The following MSI2 variants were observed in gnomAD, a reference collection of about 807,000 sequenced individuals.
The protein encoded by MSI2 is RNA-binding protein Musashi homolog 2.
In MSI2, 17 loss-of-function variants were observed where a neutral mutation model predicts 45.6. The ratio of observed to expected loss-of-function variants is 0.37; its 90% CI spans 0.26 to 0.56. The LOEUF is 0.56. Among genes scored for constraint, MSI2 ranks in the 20% least tolerant of loss-of-function variants. The pLI, the probability that MSI2 is intolerant of heterozygous loss-of-function variation, is 0.77. For missense variants in MSI2, 293 were observed against 444.2 expected (o/e 0.66, Z 3.06); for synonymous variants, 156 against 158.2 (o/e 0.99, Z 0.11).
intron 7 of MSI2, among the ~76,000 whole-genome samples, chr17:57,577,487 T>TA: frequency 6.6e-6 from 1 of 152,206 alleles, no homozygotes; most frequent in Non-Finnish European, 1.5e-5. Flanking sequence ...ATTATATCTT[T>TA]AAGCCCTGGT....
chr17:57,505,128 G>C (rs932527999), intron 6 of MSI2, among the ~76,000 whole-genome samples: 8 of 152,088 alleles, frequency 5.3e-5, no homozygotes, highest in Non-Finnish European at 7.4e-5. Flanking sequence ...GTTAAGATGT[G>C]CTGGGGTTGG....
chr17:57,293,689 A>G (rs931175054), intron 5 of MSI2, among the ~76,000 whole-genome samples: 3 of 149,628 alleles, frequency 2.0e-5, no homozygotes, highest in African/African-American at 4.9e-5. Flanking sequence ...GCTCACTGCA[A>G]CCTCCGCCTC....
intron 5 of MSI2, among the ~76,000 whole-genome samples, chr17:57,305,041 A>G (rs1911765923): frequency 6.6e-6 from 1 of 152,192 alleles, no homozygotes; most frequent in Non-Finnish European, 1.5e-5. Context: ...TATAGTCTAA[A>G]TGGAAGGACA....
chr17:57,666,538 A>G (rs1394046790), intron 11 of MSI2, among the ~76,000 whole-genome samples: 2 of 152,142 alleles, frequency 1.3e-5, no homozygotes, highest in East Asian at 1.9e-4. Flanking sequence ...CAGGCCTAAC[A>G]GGGGCAGAGT....
chr17:57,308,234 A>G (rs933258983), intron 5 of MSI2, among the ~76,000 whole-genome samples: 1 of 152,210 alleles, frequency 6.6e-6, no homozygotes, highest in Non-Finnish European at 1.5e-5. Context: ...GGTAAATCAA[A>G]TAATGTTAGC....
intron 11 of MSI2, among the ~76,000 whole-genome samples, chr17:57,655,181 C>G (rs1399928607): frequency 6.6e-6 from 1 of 152,120 alleles, no homozygotes; most frequent in Non-Finnish European, 1.5e-5. Context: ...GGGACCCCAC[C>G]AGGTGAGGTC....
intron 10 of MSI2, among the ~76,000 whole-genome samples, chr17:57,645,983 TG>T (rs1910629807): frequency 6.6e-6 from 1 of 152,134 alleles, no homozygotes; most frequent in African/African-American, 2.4e-5. Flanking sequence ...TGGAGGATCG[TG>T]GGACTAGGGA....
chr17:57,518,342 G>A (rs369327700), intron 6 of MSI2, among the ~76,000 whole-genome samples: 1 of 151,812 alleles, frequency 6.6e-6, no homozygotes, highest in Admixed American at 6.6e-5. Context: ...CTCCCCAGGC[G>A]TATGGCTGCA....
At chr17:57,700,537 G>A in the MSI2 span, among the ~76,000 whole-genome samples, 1 of 152,176 alleles carries the variant, frequency 6.6e-6, no homozygotes, top group Non-Finnish European at 1.5e-5. Context: ...CAGTGGGCAT[G>A]TGGAAGCCTG....
At chr17:57,492,731 G>A (rs1034954821) in intron 6 of MSI2, among the ~76,000 whole-genome samples, 1 of 152,044 alleles carries the variant, frequency 6.6e-6, no homozygotes, top group Non-Finnish European at 1.5e-5. Context: ...TCCCAAACTG[G>A]GATTACAAGC....
chr17:57,504,918 C>T (rs1478800797), intron 6 of MSI2, among the ~76,000 whole-genome samples: 5 of 141,524 alleles, frequency 3.5e-5, no homozygotes, highest in South Asian at 2.3e-4. Flanking sequence ...GCAACAAAAG[C>T]GAAACTCCAT....
intron 6 of MSI2, among the ~76,000 whole-genome samples, chr17:57,404,071 T>C (rs958216996): frequency 4.6e-5 from 7 of 152,214 alleles, no homozygotes; most frequent in Non-Finnish European, 1.0e-4. Context: ...TTTAATGAGG[T>C]GTATGCGAGT....
intron 5 of MSI2, among the ~76,000 whole-genome samples, chr17:57,384,073 G>T (rs1214421643): frequency 6.6e-6 from 1 of 152,220 alleles, no homozygotes; most frequent in East Asian, 1.9e-4. Context: ...GAACACTGTT[G>T]ACCCTTCCTT....
chr17:57,463,807 A>T (rs2085277403), intron 6 of MSI2, among the ~76,000 whole-genome samples: 1 of 150,224 alleles, frequency 6.7e-6, no homozygotes, highest in Admixed American at 6.7e-5. Context: ...CTCCAACACC[A>T]GTTCTGTGCA....
chr17:57,618,774 C>CGT (rs1907989118), intron 9 of MSI2, among the ~76,000 whole-genome samples: 2 of 151,962 alleles, frequency 1.3e-5, no homozygotes, highest in Admixed American at 1.3e-4. Context: ...GATCTCTTGA[C>CGT]CTTGTGATCC....
chr17:57,564,090 A>G (rs948017395), intron 7 of MSI2, among the ~76,000 whole-genome samples: 1 of 152,118 alleles, frequency 6.6e-6, no homozygotes, highest in African/African-American at 2.4e-5. Flanking sequence ...TGTGCTCAAG[A>G]CACAAAGGCC....
chr17:57,365,459 A>C (rs1437745192), intron 5 of MSI2, among the ~76,000 whole-genome samples: 1 of 152,180 alleles, frequency 6.6e-6, no homozygotes, highest in Non-Finnish European at 1.5e-5. Context: ...GCTCACAGGA[A>C]AGTGTGGGGA....
chr17:57,310,989 A>G (rs2143605035), intron 5 of MSI2, among the ~76,000 whole-genome samples: 1 of 152,322 alleles, frequency 6.6e-6, no homozygotes, highest in East Asian at 1.9e-4. Flanking sequence ...TTTGAACGGA[A>G]TGGTTATACT....
At chr17:57,690,149 GTT>G in the MSI2 span, among the ~76,000 whole-genome samples, 43,817 of 141,932 alleles carry the variant, frequency 0.31, 6,775 homozygotes, top group South Asian at 0.39. Context: ...GTATTGTTCA[GTT>G]TTTTTTTTTT....
Sources: gnomAD v4.1 joint callset for allele counts (sites outside exome capture counted in the v4.1 genomes callset) on GRCh38, gnomAD v4.1.1 for gene constraint, MANE v1.5 for transcripts, NCBI Gene and HGNC (gene_info 2026-07-23, HGNC 2026-07-21) for gene names.